Variants in BLM observed in about 807,000 individuals in gnomAD.
BLM encodes BLM RecQ like helicase, also known as recQ-like DNA helicase BLM.
BLM carries 95 observed loss-of-function variants against 135.3 expected under a neutral mutation model. The ratio of observed to expected loss-of-function variants is 0.70; its 90% confidence interval spans 0.59 to 0.83. The LOEUF (loss-of-function observed/expected upper bound fraction) is 0.83. Among genes scored for constraint, BLM ranks in the 40% least tolerant of loss-of-function variants. The pLI is 0.00. For synonymous variants in BLM, 520 were observed against 589.2 expected (o/e 0.88, Z 1.70); for missense variants, 1,518 against 1,663.9 (o/e 0.91, Z 1.53).
chr15:90,759,087 C>T (rs900247481), intron 5 of BLM, among the ~76,000 whole-genome samples: 4 of 152,086 alleles, frequency 2.6e-5, no homozygotes, highest in Non-Finnish European at 5.9e-5. Context: ...ACCTTGCTTA[C>T]CCCAAGAAAT....
chr15:90,790,893 ATAG>A, intron 15 of BLM, 49 bp downstream of exon 15: 1 of 1,538,764 alleles, frequency 6.5e-7, no homozygotes, highest in Non-Finnish European at 9.0e-7. Context: ...CAGCCTCATG[ATAG>A]TAGTCTACTC....
intron 4 of BLM, 135 bp downstream of exon 4, chr15:90,752,081 C>T (rs79733333): frequency 3.8e-6 from 3 of 784,658 alleles, no homozygotes; most frequent in Admixed American, 3.2e-5. Flanking sequence ...GTGAAAGCCT[C>T]AAAAAAAAAC....
intron 1 of BLM, among the ~76,000 whole-genome samples, chr15:90,718,577 A>G (rs1162573835): frequency 6.6e-6 from 1 of 152,226 alleles, no homozygotes; most frequent in Admixed American, 6.5e-5. Flanking sequence ...AGTAAATAGA[A>G]TTAATTAAAT....
chr15:90,718,941 T>G (rs559831508), intron 1 of BLM, among the ~76,000 whole-genome samples: 1 of 152,096 alleles, frequency 6.6e-6, no homozygotes, highest in South Asian at 2.1e-4. Flanking sequence ...TTTTTAAATT[T>G]TTATCTGTTT....
In BLM at chr15:90,749,778, T is replaced by TA; in HGVS notation, c.511dup (p.Thr171AsnfsTer20). The TA allele has an allele frequency of 4.3e-6, 7 of 1,612,630 alleles. No individual in the cohort carries two copies. The highest frequency in any genetic ancestry group is 1.1e-5 in the South Asian group (1 of 90,978). On this transcript the variant is annotated frameshift_variant, in exon 3 of 22. Coordinates refer to ENST00000355112, the MANE Select transcript of BLM (RefSeq NM_000057.4). LOFTEE classifies it high-confidence loss of function. ...CTTCTGAGACTTCAAAATCATTTGT[T>TA]ACACCACCCCAAAGTCACTTTGTAA...
intron 19 of BLM, among the ~76,000 whole-genome samples, chr15:90,807,204 G>A (rs562153606): frequency 1.3e-5 from 2 of 152,300 alleles, no homozygotes; most frequent in South Asian, 4.1e-4. Context: ...TTTTGAAGGT[G>A]GTGGTTTCTT....
At chr15:90,766,171 C>T (rs1316594593) in intron 9 of BLM, among the ~76,000 whole-genome samples, 1 of 152,124 alleles carries the variant, frequency 6.6e-6, no homozygotes, top group East Asian at 1.9e-4. Context: ...AATAAGACCA[C>T]TAGTTTGGTT....
At chr15:90,736,663 A>C (rs947857447) in intron 1 of BLM, among the ~76,000 whole-genome samples, 1 of 152,062 alleles carries the variant, frequency 6.6e-6, no homozygotes, top group Non-Finnish European at 1.5e-5. Context: ...CATACAGGAA[A>C]TTTGTTGGTA....
chr15:90,756,189 C>T (rs1420353761), intron 5 of BLM, among the ~76,000 whole-genome samples: 2 of 151,962 alleles, frequency 1.3e-5, no homozygotes, highest in Admixed American at 6.6e-5. Flanking sequence ...CTGCAGCCTC[C>T]GCCTTCCAGG....
In BLM at chr15:90,761,157, C is replaced by T. The variant is rs138943954; in HGVS notation, c.1784C>T (p.Ser595Leu). 2 of 1,531,526 alleles carry T rather than the reference C, an allele frequency of 1.3e-6. No homozygotes were observed. The highest frequency in any genetic ancestry group is 1.7e-6 in the Non-Finnish European group (2 of 1,144,776). The allele number at this position is 1,531,526 out of a possible 1,614,324, so 94.9% of individuals were successfully genotyped here. ...QPIKEGRPIKSVSERLSSAKT... is the reference protein window; with the variant it reads ...QPIKEGRPIKLVSERLSSAKT... ...ATCAAGGAAGGTCGGCCAATTAAAT[C>T]AGTATCAGAAAGACTTTCCTCAGCC... Residue 595 changes from serine (S) to leucine (L), a missense_variant, in exon 7 of 22, where the codon TCA (serine) becomes TTA (leucine). Physicochemically the swap from Ser to Leu is moderately radical, Grantham distance 145. Coordinates refer to ENST00000355112, the MANE Select transcript of BLM (RefSeq NM_000057.4).
At chr15:90,731,451 T>C (rs768924793) in intron 1 of BLM, among the ~76,000 whole-genome samples, 22 of 152,168 alleles carry the variant, frequency 1.4e-4, no homozygotes, top group Non-Finnish European at 3.2e-4. Context: ...AACTGGAATA[T>C]TTTACTGCCA....
At chr15:90,766,328 T>G (rs968929948) in intron 9 of BLM, among the ~76,000 whole-genome samples, 1 of 152,202 alleles carries the variant, frequency 6.6e-6, no homozygotes, top group Admixed American at 6.5e-5. Flanking sequence ...TGGAATATCT[T>G]GTATACCAAA....
chr15:90,803,782 T>C, intron 18 of BLM, 62 bp downstream of exon 18: 1 of 1,485,692 alleles, frequency 6.7e-7, no homozygotes, highest in East Asian at 2.3e-5. Context: ...TATATTATTG[T>C]GAAGTATAGT....
chr15:90,796,224 T>C (rs888443716), intron 16 of BLM, among the ~76,000 whole-genome samples: 2 of 152,182 alleles, frequency 1.3e-5, no homozygotes, highest in Admixed American at 1.3e-4. Flanking sequence ...TTACCTAAAT[T>C]GGGAATCTAA....
chr15:90,772,607 C>A (rs58665872), intron 12 of BLM, among the ~76,000 whole-genome samples: 1,920 of 152,274 alleles, frequency 0.013, 29 homozygotes, highest in East Asian at 0.029. Context: ...GAACTTAAAA[C>A]ACCAGATAGC....
chr15:90,785,479 A>G (rs910227590), intron 14 of BLM, among the ~76,000 whole-genome samples: 2 of 151,702 alleles, frequency 1.3e-5, no homozygotes, highest in African/African-American at 4.8e-5. Context: ...CTGTTTCTAG[A>G]GTTTATTACT....
Position 90,769,214 on chromosome 15 carries a change from G to A in BLM, c.2389G>A (p.Ala797Thr). The A allele has an allele frequency of 3.7e-6, 6 of 1,611,694 alleles. No individual in the cohort carries two copies. Among genetic ancestry groups the A allele is most frequent in the Non-Finnish European group, 5.1e-6 (6 of 1,177,764 alleles). The change falls in exon 11 of 22, where the codon GCA (alanine) becomes ACA (threonine). Residue 797 changes from alanine to threonine, a missense_variant. Physicochemically the swap from Ala to Thr is moderately conservative, Grantham distance 58. Around this residue, in one of 5 missense-constraint regions of BLM, gnomAD observed 626 missense variants for 681.1 expected, o/e 0.92. Transcript: ENST00000355112. ...CTTGGCACGTTTTGTTATTGATGAA[G>A]CACATTGTGTCAGTCAGGTAAATAC... ...KLLARFVIDE[A>T]HCVSQWGHDF...
chr15:90,776,975 C>T (rs1472621292), intron 12 of BLM, among the ~76,000 whole-genome samples: 1 of 151,178 alleles, frequency 6.6e-6, no homozygotes, highest in Admixed American at 6.6e-5. Context: ...GACTTCTTTT[C>T]TTTGTGGGTT....
intron 12 of BLM, among the ~76,000 whole-genome samples, chr15:90,780,251 G>A (rs1596248576): frequency 6.6e-6 from 1 of 151,936 alleles, no homozygotes; most frequent in East Asian, 1.9e-4. Context: ...TGCCTGGCTA[G>A]TTTTTGTATT....
Sources: gnomAD v4.1 joint callset for allele counts (sites outside exome capture counted in the v4.1 genomes callset) on GRCh38, gnomAD v4.1.1 for gene constraint, gnomAD v4.1.1 regional missense constraint, MANE v1.5 for transcripts, NCBI Gene and HGNC (gene_info 2026-07-23, HGNC 2026-07-21) for gene names.